The following PCDH15 variants were observed in gnomAD, a reference collection of about 807,000 sequenced individuals.
PCDH15 encodes protocadherin-15.
PCDH15 carries 129 observed loss-of-function variants against 178.5 expected under a neutral mutation model. The ratio of observed to expected loss-of-function variants is 0.72; its 90% CI spans 0.63 to 0.84. The LOEUF (loss-of-function observed/expected upper bound fraction) is 0.84. Among genes scored for constraint, PCDH15 ranks in the 40% least tolerant of loss-of-function variants. The pLI, the probability that PCDH15 is intolerant of heterozygous loss-of-function variation, is 0.00. For missense variants in PCDH15, 2,230 were observed against 2,099.9 expected (o/e 1.06, Z -1.21); for synonymous variants, 800 against 732.0 (o/e 1.09, Z -1.50).
At chr10:54,742,526 C>A (rs1348150371) in intron 1 of PCDH15, among the ~76,000 whole-genome samples, 1 of 151,854 alleles carries the variant, frequency 6.6e-6, no homozygotes. Flanking sequence ...ATGTTGAAGA[C>A]CTTGCCATGT....
intron 20 of PCDH15, among the ~76,000 whole-genome samples, chr10:54,019,279 TAA>T (rs1399158963): frequency 8.5e-5 from 13 of 152,166 alleles, no homozygotes; most frequent in African/African-American, 3.1e-4. Context: ...TATTGTCATG[TAA>T]AGTCATTTTT....
At chr10:54,744,609 T>C (rs573873541) in intron 1 of PCDH15, among the ~76,000 whole-genome samples, 3 of 152,246 alleles carry the variant, frequency 2.0e-5, no homozygotes, top group East Asian at 1.9e-4. Context: ...GAAATCTGTA[T>C]ACCAAAGTTG....
chr10:54,679,522 CACTA>C (rs775895950), intron 1 of PCDH15, among the ~76,000 whole-genome samples: 13 of 152,132 alleles, frequency 8.5e-5, no homozygotes, highest in Non-Finnish European at 1.3e-4. Context: ...CACTATCTTC[CACTA>C]ACTAAGTATT....
At chr10:54,354,523 T>C (rs1368109156) in intron 5 of PCDH15, among the ~76,000 whole-genome samples, 2 of 149,684 alleles carry the variant, frequency 1.3e-5, no homozygotes, top group East Asian at 3.9e-4. Flanking sequence ...AGATTAGTCT[T>C]ACTTCTTTCT....
At chr10:53,865,711 A>G (rs2079401639) in intron 27 of PCDH15, among the ~76,000 whole-genome samples, 1 of 145,820 alleles carries the variant, frequency 6.9e-6, no homozygotes, top group African/African-American at 2.6e-5. Context: ...GGCCACAATC[A>G]TGGTGATTGT....
chr10:54,418,302 T>C (rs1398050903), intron 3 of PCDH15, among the ~76,000 whole-genome samples: 2 of 152,168 alleles, frequency 1.3e-5, no homozygotes, highest in African/African-American at 4.8e-5. Context: ...ATTATGTACA[T>C]ATGTGTATAC....
chr10:55,621,455 G>T (rs536195427), intron 2 of PCDH15, among the ~76,000 whole-genome samples: 1 of 152,304 alleles, frequency 6.6e-6, no homozygotes, highest in South Asian at 2.1e-4. Flanking sequence ...TGGCCTGTTA[G>T]GAACTGGGCC....
chr10:54,388,331 A>G (rs114810944), intron 3 of PCDH15, among the ~76,000 whole-genome samples: 111 of 152,272 alleles, frequency 7.3e-4, no homozygotes, highest in African/African-American at 2.5e-3. Context: ...TAGAACCCAA[A>G]TGTCACCCAG....
At chr10:54,559,254 C>T (rs1463675995) in intron 2 of PCDH15, among the ~76,000 whole-genome samples, 1 of 151,858 alleles carries the variant, frequency 6.6e-6, no homozygotes, top group Non-Finnish European at 1.5e-5. Context: ...CAATAATAAT[C>T]CTTATTACTT....
At chr10:54,873,009 C>T (rs1169672269) in intron 3 of PCDH15, among the ~76,000 whole-genome samples, 1 of 144,296 alleles carries the variant, frequency 6.9e-6, no homozygotes, top group Non-Finnish European at 1.6e-5. Flanking sequence ...AGCTACCAAC[C>T]ATCCAGGAAA....
chr10:55,432,795 ATT>A (rs200341623), intron 2 of PCDH15, among the ~76,000 whole-genome samples: 5 of 131,412 alleles, frequency 3.8e-5, no homozygotes, highest in South Asian at 5.0e-4. Flanking sequence ...ATATATATAT[ATT>A]TTATTTTTAG....
At chr10:54,083,159 A>C (rs181075616) in intron 16 of PCDH15, among the ~76,000 whole-genome samples, 1 of 152,308 alleles carries the variant, frequency 6.6e-6, no homozygotes, top group Admixed American at 6.5e-5. Context: ...GGAATAAATC[A>C]GAATCCTCAT....
intron 2 of PCDH15, among the ~76,000 whole-genome samples, chr10:54,588,610 C>T (rs1219431682): frequency 1.3e-5 from 2 of 152,266 alleles, no homozygotes; most frequent in Non-Finnish European, 2.9e-5. Context: ...CAGGATCTCA[C>T]TCTGTTGCCC....
At chr10:55,025,152 T>C (rs992209288) in intron 2 of PCDH15, among the ~76,000 whole-genome samples, 1 of 150,102 alleles carries the variant, frequency 6.7e-6, no homozygotes, top group Non-Finnish European at 1.5e-5. Context: ...TGTGTACGTA[T>C]GCATGTGTGT....
At chr10:54,516,970 A>T (rs2082296279) in intron 3 of PCDH15, among the ~76,000 whole-genome samples, 6 of 152,000 alleles carry the variant, frequency 3.9e-5, no homozygotes, top group Admixed American at 3.9e-4. Flanking sequence ...AAGCTTCATA[A>T]GTGAAGGAGA....
At chr10:54,275,646 A>T (rs966911) in intron 8 of PCDH15, among the ~76,000 whole-genome samples, 68,396 of 151,478 alleles carry the variant, frequency 0.45, 17,272 homozygotes, top group Middle Eastern at 0.6. Flanking sequence ...ATACTAAAAA[A>T]ATGTGCAAGC....
At chr10:54,534,916 T>C (rs1384380732) in intron 2 of PCDH15, among the ~76,000 whole-genome samples, 3 of 152,220 alleles carry the variant, frequency 2.0e-5, no homozygotes, top group African/African-American at 7.2e-5. Context: ...ATCTTGAATT[T>C]ATAAAATCAA....
chr10:54,930,569 C>G (rs1254486824), intron 2 of PCDH15, among the ~76,000 whole-genome samples: 2 of 152,146 alleles, frequency 1.3e-5, no homozygotes, highest in Non-Finnish European at 2.9e-5. Context: ...GATTTCAACA[C>G]TTGTGTGACT....
At chr10:55,179,546 C>T (rs1323715805) in intron 1 of PCDH15, among the ~76,000 whole-genome samples, 1 of 129,402 alleles carries the variant, frequency 7.7e-6, no homozygotes, top group African/African-American at 2.7e-5. Flanking sequence ...TCAGCACACA[C>T]TCCCCCCCAT....
Sources: allele counts gnomAD v4.1 joint callset (sites outside exome capture counted in the v4.1 genomes callset), GRCh38; gene constraint gnomAD v4.1.1; transcripts MANE v1.5; gene names NCBI Gene and HGNC (gene_info 2026-07-23, HGNC 2026-07-21).